The following DPP4 variants were observed in gnomAD, a reference collection of about 807,000 sequenced individuals.
DPP4 encodes the protein dipeptidyl peptidase 4, also known as ADCP-2.
DPP4 carries 93 observed loss-of-function variants against 122.4 expected under a neutral mutation model. That is an observed-to-expected ratio of 0.76 (90% CI 0.64 to 0.90). The LOEUF is 0.90. DPP4 is among the 40% of genes least tolerant of loss of function. DPP4 has a pLI of 0.00. For missense variants in DPP4, 914 were observed against 907.3 expected, an observed-to-expected ratio of 1.01 and a Z score of -0.09; for synonymous variants, 321 against 302.9, an observed-to-expected ratio of 1.06 and a Z score of -0.62.
intron 18 of DPP4, among the ~76,000 whole-genome samples, chr2:162,015,649 C>A (rs1414136961): frequency 6.6e-6 from 1 of 152,090 alleles, no homozygotes; most frequent in African/African-American, 2.4e-5. Flanking sequence ...TTTCATCCCT[C>A]CTTTCTGTAC....
intron 18 of DPP4, among the ~76,000 whole-genome samples, chr2:162,016,136 G>A (rs1412272083): frequency 6.6e-6 from 1 of 152,058 alleles, no homozygotes; most frequent in African/African-American, 2.4e-5. Context: ...AGCCTAAAAT[G>A]AATCAATCCT....
intron 22 of DPP4, among the ~76,000 whole-genome samples, chr2:162,007,475 T>G (rs1559706436): frequency 6.6e-6 from 1 of 152,138 alleles, no homozygotes; most frequent in African/African-American, 2.4e-5. Context: ...AAACACCATT[T>G]ACGTATTCCT....
chr2:162,041,564 T>C (rs1683988993), intron 5 of DPP4, among the ~76,000 whole-genome samples: 1 of 152,156 alleles, frequency 6.6e-6, no homozygotes, highest in Non-Finnish European at 1.5e-5. Flanking sequence ...ATTCTACTTT[T>C]CGGGAGTCAT....
chr2:162,034,461 T>TAAA lies in DPP4; in HGVS notation c.774+700_774+702dup, dbSNP rs1225374018. ...AGCAAATTGAGTGAGTTGGTAAAAA[T>TAAA]AAAAATCCCCTTTTCCAAATTTCTT... On this transcript the variant is annotated intron_variant, in intron 9 of 25. Coordinates refer to ENST00000360534, the MANE Select transcript of DPP4 (RefSeq NM_001935.4). Among the ~76,000 whole-genome samples the TAAA allele has an allele frequency of 2.0e-5, 3 of 152,040 alleles. No homozygotes were observed. The South Asian group carries it at 6.2e-4, about 32-fold the overall frequency.
intron 10 of DPP4, among the ~76,000 whole-genome samples, chr2:162,031,081 A>G (rs1252861045): frequency 6.6e-6 from 1 of 152,268 alleles, no homozygotes; most frequent in Non-Finnish European, 1.5e-5. Context: ...CCAGCCCATG[A>G]GAAGGACTCA....
intron 10 of DPP4, among the ~76,000 whole-genome samples, chr2:162,032,845 C>T (rs112195455): frequency 6.6e-5 from 10 of 152,134 alleles, no homozygotes; most frequent in Admixed American, 1.3e-4. Flanking sequence ...TGCTCCATGG[C>T]GGAATTTCAA....
rs143054193 is a variant in DPP4, at chr2:162,005,811, T to C, written c.1988-2A>G. On this transcript the variant is annotated splice_acceptor_variant, in intron 22 of 25. Transcript: ENST00000360534. LOFTEE classifies it high-confidence loss of function. ...TGTAACGTTCTGTGTACACTGAGTC[T>C]GTGAAAGAAAAAAAAATAAAAAAAA... 1.9e-6 allele frequency: 3 copies of C among 1,610,972 alleles called. No homozygotes were observed. The highest frequency in any genetic ancestry group is 2.5e-6 in the Non-Finnish European group (3 of 1,178,928).
At position 162,039,047 on chromosome 2, in the gene DPP4, T is replaced by G. The variant is rs1042126425; in HGVS notation, c.420-26A>C. ...CTGGAAAAAAGATGAAAGGAAATAT[T>G]ATCAAAAAGAATAACTCACATTGGG... On this transcript the variant is annotated intron_variant, in intron 6 of 25. Coordinates refer to ENST00000360534, the MANE Select transcript of DPP4 (RefSeq NM_001935.4). 3 of 1,612,832 alleles carry G rather than the reference T, an allele frequency of 1.9e-6. No homozygotes were observed. In the African/African-American group the frequency reaches 4.0e-5, roughly 22 times the overall value.
intron 2 of DPP4, among the ~76,000 whole-genome samples, chr2:162,059,377 T>C (rs1170905180): frequency 6.6e-6 from 1 of 152,218 alleles, no homozygotes; most frequent in African/African-American, 2.4e-5. Flanking sequence ...TTGACTGGCA[T>C]TAGGCCGTGA....
At chr2:162,026,292 G>A (rs1202146781) in intron 10 of DPP4, among the ~76,000 whole-genome samples, 5 of 152,092 alleles carry the variant, frequency 3.3e-5, no homozygotes, top group Non-Finnish European at 5.9e-5. Flanking sequence ...TGGTGATACC[G>A]GGCTTCCATG....
At chr2:162,034,842 C>T (rs1027296471) in intron 9 of DPP4, among the ~76,000 whole-genome samples, 5 of 152,150 alleles carry the variant, frequency 3.3e-5, no homozygotes, top group South Asian at 4.1e-4. Context: ...ACAAATGAGA[C>T]GAGCTTCTAA....
intron 19 of DPP4, among the ~76,000 whole-genome samples, chr2:162,013,781 T>C (rs985057228): frequency 1.3e-5 from 2 of 152,164 alleles, no homozygotes; most frequent in African/African-American, 4.8e-5. Context: ...AGGGCAATTT[T>C]AGAAAAATTA....
At chr2:162,028,710 AAAT>A (rs1480160341) in intron 10 of DPP4, among the ~76,000 whole-genome samples, 2 of 152,228 alleles carry the variant, frequency 1.3e-5, no homozygotes, top group Non-Finnish European at 2.9e-5. Context: ...TCTGGATGTA[AAAT>A]AATAAGTTCA....
chr2:162,019,388 G>A (rs1030664158), intron 14 of DPP4, 112 bp from the exon 15 acceptor site: 11 of 656,198 alleles, frequency 1.7e-5, no homozygotes, highest in African/African-American at 1.5e-4. Flanking sequence ...GCGCACGGGT[G>A]CCCGCCGCCC....
At chr2:162,038,151 T>C (rs1313446511) in intron 8 of DPP4, 151 bp downstream of exon 8, 2 of 696,158 alleles carry the variant, frequency 2.9e-6, no homozygotes, top group East Asian at 6.3e-5. Context: ...AGGAGACATC[T>C]GGTGCTGTGA....
intron 19 of DPP4, among the ~76,000 whole-genome samples, chr2:162,012,604 GT>G (rs1335787299): frequency 1.3e-5 from 2 of 152,068 alleles, no homozygotes; most frequent in African/African-American, 4.8e-5. Flanking sequence ...ATACTAACAA[GT>G]TTAACTCCCT....
At chr2:162,006,400 C>A (rs1210231215) in intron 22 of DPP4, among the ~76,000 whole-genome samples, 1 of 152,078 alleles carries the variant, frequency 6.6e-6, no homozygotes, top group Non-Finnish European at 1.5e-5. Flanking sequence ...CTGGGATTCA[C>A]TATAATAAAA....
At chr2:162,026,037 G>T (rs992831627) in intron 10 of DPP4, among the ~76,000 whole-genome samples, 2 of 152,152 alleles carry the variant, frequency 1.3e-5, no homozygotes, top group African/African-American at 2.4e-5. Flanking sequence ...CAGCACAGAA[G>T]AAAGCAAAGC....
At chr2:162,031,639 C>T (rs1683554209) in intron 10 of DPP4, among the ~76,000 whole-genome samples, 1 of 152,152 alleles carries the variant, frequency 6.6e-6, no homozygotes, top group Non-Finnish European at 1.5e-5. Flanking sequence ...TGGAAGCCAA[C>T]CTGCTCAATC....
Sources: allele counts gnomAD v4.1 joint callset (sites outside exome capture counted in the v4.1 genomes callset), GRCh38; gene constraint gnomAD v4.1.1; transcripts MANE v1.5; gene names NCBI Gene and HGNC (gene_info 2026-07-23, HGNC 2026-07-21).